Variants in DNAH9 observed in about 807,000 individuals in gnomAD.
The protein encoded by DNAH9 is dynein axonemal heavy chain 9, also known as DNAH9 variant protein.
Under a neutral mutation model 471.6 loss-of-function variants are expected in DNAH9, and 345 were observed. The observed-to-expected ratio is 0.73, with a 90% CI of 0.67 to 0.80. The LOEUF is 0.80. Ranked by LOEUF, DNAH9 falls within the 30% of genes least tolerant of loss-of-function variation. The pLI, the probability that DNAH9 is intolerant of heterozygous loss-of-function variation, is 0.00. For missense variants in DNAH9, 5,407 were observed against 5,609.2 expected (o/e 0.96, Z 1.15); for synonymous variants, 2,093 against 2,123.6 (o/e 0.99, Z 0.40).
chr17:11,796,671 G>A (rs1039865236), intron 42 of DNAH9, among the ~76,000 whole-genome samples: 2 of 152,164 alleles, frequency 1.3e-5, no homozygotes, highest in African/African-American at 2.4e-5. Flanking sequence ...AGGAAAAAAC[G>A]ACAGGTGCGG....
intron 28 of DNAH9, 35 bp from the exon 29 acceptor site, chr17:11,738,845 T>C (rs1401591221): frequency 6.2e-7 from 1 of 1,605,384 alleles, no homozygotes; most frequent in Non-Finnish European, 8.5e-7. Flanking sequence ...TAAAAGGCAA[T>C]TGAGGAATTT....
At position 11,769,289 on chromosome 17, in the gene DNAH9, C is replaced by T. The variant is rs199937308; in HGVS notation, c.7512C>T (p.Asn2504=). 46 of 1,613,860 alleles carry T rather than the reference C, an allele frequency of 2.9e-5. No homozygotes were observed. Among genetic ancestry groups the T allele is most frequent in the African/African-American group, 1.5e-4 (11 of 74,908 alleles). The change falls in exon 38 of 69, where the codon AAC becomes AAT. Residue 2504 remains asparagine (N), a synonymous_variant. Transcript: ENST00000262442. Reference sequence around the variant, plus strand: ...ACCCCGAGGCATACCTGGTGAAAAACGTGCCATTCAACTACTACACCACGT... The same window carrying T: ...ACCCCGAGGCATACCTGGTGAAAAATGTGCCATTCAACTACTACACCACGT... The part of the protein sequence containing the change: ...SLDPEAYLVK[N]VPFNYYTTSA...
intron 49 of DNAH9, among the ~76,000 whole-genome samples, chr17:11,835,244 C>T (rs778239675): frequency 6.6e-6 from 1 of 152,158 alleles, no homozygotes; most frequent in Non-Finnish European, 1.5e-5. Context: ...CTTGAATTTA[C>T]ATCTTCAAAA....
chr17:11,888,967 T>C (rs552541597), intron 57 of DNAH9, among the ~76,000 whole-genome samples: 13 of 152,352 alleles, frequency 8.5e-5, no homozygotes, highest in African/African-American at 3.1e-4. Context: ...TGTGTGTGTG[T>C]TTACACATGC....
At chr17:11,746,426 A>C (rs1156851398) in intron 31 of DNAH9, among the ~76,000 whole-genome samples, 1 of 152,214 alleles carries the variant, frequency 6.6e-6, no homozygotes, top group Non-Finnish European at 1.5e-5. Context: ...GCTACAAATC[A>C]GGTGGAGGAG....
chr17:11,833,484 C>A (rs149541972), intron 48 of DNAH9, among the ~76,000 whole-genome samples: 1 of 151,956 alleles, frequency 6.6e-6, no homozygotes, highest in African/African-American at 2.4e-5. Flanking sequence ...GTGTGCCCTG[C>A]GGTAGGCGGG....
intron 22 of DNAH9, among the ~76,000 whole-genome samples, chr17:11,698,693 C>G (rs1044295316): frequency 3.3e-5 from 5 of 152,060 alleles, no homozygotes; most frequent in East Asian, 1.9e-4. Context: ...TGTAATTATT[C>G]AAGAAGCTCT....
At chr17:11,703,670 C>T (rs192195361) in intron 24 of DNAH9, among the ~76,000 whole-genome samples, 1 of 152,286 alleles carries the variant, frequency 6.6e-6, no homozygotes, top group Admixed American at 6.5e-5. Flanking sequence ...ATTTCAATAT[C>T]TCTCATCTTG....
chr17:11,636,437 G>T (rs1357637890), intron 8 of DNAH9, among the ~76,000 whole-genome samples, 197 bp from the exon 9 acceptor site: 1 of 152,172 alleles, frequency 6.6e-6, no homozygotes, highest in African/African-American at 2.4e-5. Context: ...GGAATTTTCT[G>T]TTAGAAGCAA....
chr17:11,799,674 C>T (rs1225206474), intron 43 of DNAH9, among the ~76,000 whole-genome samples: 1 of 128,512 alleles, frequency 7.8e-6, no homozygotes, highest in African/African-American at 3.0e-5. Context: ...GCAGCCTCCA[C>T]CTCCCAGGTT....
intron 49 of DNAH9, among the ~76,000 whole-genome samples, chr17:11,835,671 T>C (rs772045510): frequency 2.5e-4 from 38 of 152,212 alleles, no homozygotes; most frequent in Non-Finnish European, 4.6e-4. Context: ...CCCTTTTCTG[T>C]TGAGATGCTC....
intron 32 of DNAH9, among the ~76,000 whole-genome samples, chr17:11,748,025 C>T (rs953258681): frequency 1.3e-5 from 2 of 152,036 alleles, no homozygotes; most frequent in African/African-American, 4.8e-5. Flanking sequence ...ATAAAGCTGG[C>T]TGGGCACAGT....
At chr17:11,866,461 G>T (rs575771404) in intron 50 of DNAH9, among the ~76,000 whole-genome samples, 2 of 152,036 alleles carry the variant, frequency 1.3e-5, no homozygotes, top group South Asian at 2.1e-4. Context: ...CTGCTCAGGG[G>T]TCAGGGGTCA....
intron 31 of DNAH9, among the ~76,000 whole-genome samples, chr17:11,746,249 C>T (rs1356642113): frequency 6.6e-6 from 1 of 152,086 alleles, no homozygotes; most frequent in Non-Finnish European, 1.5e-5. Context: ...AGGAAACTTA[C>T]AATCATGGCA....
At chr17:11,735,190 A>G (rs1337789745) in intron 28 of DNAH9, among the ~76,000 whole-genome samples, 4 of 152,146 alleles carry the variant, frequency 2.6e-5, no homozygotes, top group African/African-American at 4.8e-5. Context: ...CCTAAGCACT[A>G]TTGATGCTTT....
intron 6 of DNAH9, among the ~76,000 whole-genome samples, chr17:11,621,132 G>A (rs753246811): frequency 1.2e-3 from 177 of 152,016 alleles, no homozygotes; most frequent in Non-Finnish European, 2.0e-3. Flanking sequence ...ACAAGAGGCC[G>A]GGCACGGTGG....
At position 11,693,879 on chromosome 17, in the gene DNAH9, G is replaced by T. The variant is rs2074381591; in HGVS notation, c.4626G>T (p.Arg1542Ser). 2 of 1,614,112 alleles carry T rather than the reference G, an allele frequency of 1.2e-6. No individual in the cohort carries two copies. The highest frequency in any genetic ancestry group is 1.1e-5 in the South Asian group (1 of 91,068). The change falls in exon 21 of 69, where the codon AGG becomes AGT. Residue 1542 changes from arginine (R) to serine (S), a missense_variant. Coordinates refer to ENST00000262442, the MANE Select transcript of DNAH9 (RefSeq NM_001372.4). Reference protein sequence around the residue: ...IRAQLPQDSKRFEGIDIDFKE... With the variant: ...IRAQLPQDSKSFEGIDIDFKE... ...ATTTTTATTTGCAGGATTCTAAAAG[G>T]TTTGAAGGCATCGACATTGACTTTA... is the stretch of plus-strand genomic sequence containing the variant.
At chr17:11,689,148 C>A (rs2074289940) in intron 19 of DNAH9, among the ~76,000 whole-genome samples, 1 of 151,998 alleles carries the variant, frequency 6.6e-6, no homozygotes, top group Non-Finnish European at 1.5e-5. Flanking sequence ...TCACTAGGTT[C>A]CTGGCAAGGC....
intron 62 of DNAH9, among the ~76,000 whole-genome samples, chr17:11,927,625 C>T (rs1974376471): frequency 6.6e-6 from 1 of 152,170 alleles, no homozygotes; most frequent in South Asian, 2.1e-4. Context: ...TCCCATGGCA[C>T]ACTTTTGGGA....
Sources: allele counts gnomAD v4.1 joint callset (sites outside exome capture counted in the v4.1 genomes callset), GRCh38; gene constraint gnomAD v4.1.1; transcripts MANE v1.5; gene names NCBI Gene and HGNC (gene_info 2026-07-23, HGNC 2026-07-21).